NTN1: variants seen among roughly 807,000 people sequenced by gnomAD.
NTN1 encodes the protein netrin-1.
In NTN1, 11 loss-of-function variants were observed where a neutral mutation model predicts 54.2. The observed-to-expected ratio is 0.20, with a 90% confidence interval of 0.13 to 0.34. NTN1 has a LOEUF of 0.34. Ranked by LOEUF, NTN1 falls within the 10% of genes least tolerant of loss-of-function variation. The pLI is 1.00. For synonymous variants in NTN1, 371 were observed against 382.0 expected, an observed-to-expected ratio of 0.97 and a Z score of 0.33; for missense variants, 740 against 893.1, an observed-to-expected ratio of 0.83 and a Z score of 2.18.
At chr17:9,005,786 G>T in the NTN1 span, among the ~76,000 whole-genome samples, 1 of 152,216 alleles carries the variant, frequency 6.6e-6, no homozygotes, top group Non-Finnish European at 1.5e-5. Flanking sequence ...GCGGCAGGGG[G>T]TGAACTGTGC....
At chr17:9,123,003 T>A (rs1008265338) in intron 2 of NTN1, among the ~76,000 whole-genome samples, 1 of 152,214 alleles carries the variant, frequency 6.6e-6, no homozygotes, top group Non-Finnish European at 1.5e-5. Flanking sequence ...TTGGGCTGAG[T>A]GCTCTTTTAA....
intron 5 of NTN1, among the ~76,000 whole-genome samples, chr17:9,200,278 C>CCCCT (rs1353816759): frequency 6.6e-6 from 1 of 152,220 alleles, no homozygotes; most frequent in Admixed American, 6.5e-5. Flanking sequence ...AACACAAAAT[C>CCCCT]CCCTGTTCAC....
chr17:9,228,427 C>T (rs1442144097), intron 6 of NTN1, among the ~76,000 whole-genome samples: 2 of 152,130 alleles, frequency 1.3e-5, no homozygotes, highest in South Asian at 2.1e-4. Flanking sequence ...ATCTGTGTGC[C>T]GAAGCCACTC....
At chr17:9,234,320 G>A in intron 6 of NTN1, among the ~76,000 whole-genome samples, 1 of 152,206 alleles carries the variant, frequency 6.6e-6, no homozygotes. Flanking sequence ...ATGCAGCCTT[G>A]TTCACCGAGC....
At chr17:9,004,571 C>G in the NTN1 span, among the ~76,000 whole-genome samples, 1 of 152,212 alleles carries the variant, frequency 6.6e-6, no homozygotes, top group South Asian at 2.1e-4. Context: ...TTGCGGCACC[C>G]CCAGCCCACT....
chr17:9,138,656 G>A (rs988992051), intron 2 of NTN1, among the ~76,000 whole-genome samples: 4 of 152,238 alleles, frequency 2.6e-5, no homozygotes, highest in Non-Finnish European at 4.4e-5. Flanking sequence ...GCCGGGTACC[G>A]CGATGAGGCA....
upstream of NTN1, among the ~76,000 whole-genome samples, chr17:9,016,662 C>T (rs147338228): frequency 3.9e-5 from 6 of 152,282 alleles, no homozygotes; most frequent in East Asian, 1.2e-3. Flanking sequence ...AGCCCCTGGC[C>T]TCTCTGTTTC....
intron 2 of NTN1, among the ~76,000 whole-genome samples, chr17:9,071,738 G>A (rs915083482): frequency 2.6e-5 from 4 of 152,132 alleles, no homozygotes; most frequent in Non-Finnish European, 4.4e-5. Flanking sequence ...AGTGGTGGCC[G>A]ATGACACTTG....
intron 2 of NTN1, among the ~76,000 whole-genome samples, chr17:9,078,349 C>T (rs543278079): frequency 2.0e-5 from 3 of 152,124 alleles, no homozygotes; most frequent in Admixed American, 6.6e-5. Flanking sequence ...GAAGGAAGGA[C>T]AGGGAGGAGT....
chr17:9,155,959 C>T (rs1302513534), intron 2 of NTN1, among the ~76,000 whole-genome samples: 1 of 152,212 alleles, frequency 6.6e-6, no homozygotes, highest in East Asian at 1.9e-4. Flanking sequence ...CGGTTGAGAA[C>T]ACTGCCCCCT....
chr17:9,175,773 G>A (rs2092398421), intron 3 of NTN1: 1 of 152,250 alleles, frequency 6.6e-6, no homozygotes, highest in Non-Finnish European at 1.5e-5. Context: ...TCACTGGGAG[G>A]CTCTCCAGCC....
chr17:9,070,442 G>T (rs2092028544), intron 2 of NTN1, among the ~76,000 whole-genome samples: 8 of 152,126 alleles, frequency 5.3e-5, no homozygotes. Flanking sequence ...AACAAGAAGT[G>T]ACTGAGAGCA....
rs1304876469 is a variant in NTN1, at chr17:9,243,375, G to GGAGTT, written c.*3409_*3413dup. 8 of 152,294 alleles carry GGAGTT rather than the reference G, an allele frequency of 5.3e-5. No individual in the cohort carries two copies. In the East Asian group the frequency reaches 9.6e-4, roughly 18 times the overall value. The allele number at this position is 152,294 out of a possible 1,614,324, so 9.4% of individuals were successfully genotyped here. A position where few individuals can be genotyped will look rare whatever the true frequency, so the allele number is the denominator to read the frequency against. On this transcript the variant is annotated 3_prime_UTR_variant, in exon 7 of 7. Coordinates refer to ENST00000173229, the MANE Select transcript of NTN1 (RefSeq NM_004822.3). The stretch of plus-strand genomic sequence containing the variant: ...GAGAGGGGTACGGACTTACTTTCTT[G>GGAGTT]GAGTTGTCCCAGGTTGGAATGAGAC...
At chr17:9,210,427 C>T (rs989074187) in intron 5 of NTN1, among the ~76,000 whole-genome samples, 19 of 83,246 alleles carry the variant, frequency 2.3e-4, no homozygotes, top group Non-Finnish European at 4.0e-4. Context: ...CGTGCACACA[C>T]ACACACACCC....
At chr17:9,185,409 T>TG (rs2092430344) in intron 5 of NTN1, among the ~76,000 whole-genome samples, 1 of 152,226 alleles carries the variant, frequency 6.6e-6, no homozygotes, top group Admixed American at 6.5e-5. Context: ...TGTTTACTTT[T>TG]GCCTGCGTAC....
chr17:9,103,360 G>A (rs2092156390), intron 2 of NTN1, among the ~76,000 whole-genome samples: 1 of 152,162 alleles, frequency 6.6e-6, no homozygotes, highest in South Asian at 2.1e-4. Context: ...ATCTTGAATT[G>A]TAGTTCCCAT....
intron 5 of NTN1, among the ~76,000 whole-genome samples, chr17:9,210,062 C>G (rs148491557): frequency 6.6e-6 from 1 of 152,104 alleles, no homozygotes; most frequent in Non-Finnish European, 1.5e-5. Context: ...AAAAAGAAGT[C>G]AAACCCTATC....
rs1008382183 is a variant in NTN1, at chr17:9,221,663, A to C, written c.1486+421A>C. Among the ~76,000 whole-genome samples the C allele has an allele frequency of 7.9e-5, 12 of 152,218 alleles. No individual in the cohort carries two copies. Among genetic ancestry groups the C allele is most frequent in the Admixed American group, 7.8e-4 (12 of 15,290 alleles). ...ACAAGGGCTGGGAGCTCCCCGGTGC[A>C]TTTCCAGTGTTCCGCCAGGCTGTAG... On this transcript the variant is annotated intron_variant, in intron 6 of 6. Transcript: ENST00000173229. This position sits in a 1 kb window ranked among gnomAD's most constrained non-coding sequence, Gnocchi z 4.5.
At chr17:9,007,390 C>G in the NTN1 span, among the ~76,000 whole-genome samples, 1 of 143,456 alleles carries the variant, frequency 7.0e-6, no homozygotes, top group Non-Finnish European at 1.5e-5. Flanking sequence ...CCTTGTCTTT[C>G]TCTCTTTCTC....
Sources: allele counts gnomAD v4.1 joint callset (sites outside exome capture counted in the v4.1 genomes callset), GRCh38; gene constraint gnomAD v4.1.1; non-coding constraint Gnocchi (gnomAD v3.1); transcripts MANE v1.5; gene names NCBI Gene and HGNC (gene_info 2026-07-23, HGNC 2026-07-21).